The following OPN3 variants were observed in gnomAD, a reference collection of about 807,000 sequenced individuals.
OPN3 encodes opsin-3.
OPN3 carries 29 observed loss-of-function variants against 33.8 expected under a neutral mutation model. The ratio of observed to expected loss-of-function variants is 0.86; its 90% confidence interval spans 0.64 to 1.17. The LOEUF (loss-of-function observed/expected upper bound fraction) is 1.17, where lower values mean the gene tolerates loss of function less well. OPN3 is among the 50% of genes most tolerant of loss of function. The pLI is 0.00. For synonymous variants in OPN3, 216 were observed against 216.1 expected (o/e 1.00, Z 0.00); for missense variants, 437 against 514.1 (o/e 0.85, Z 1.45).
chr1:241,626,976 A>G (rs1458023615), intron 1 of OPN3, among the ~76,000 whole-genome samples: 6 of 152,152 alleles, frequency 3.9e-5, no homozygotes, highest in Non-Finnish European at 7.4e-5. Flanking sequence ...CACTTTGTCA[A>G]CCCTGCACCT....
chr1:241,609,684 T>C (rs1223670909), intron 1 of OPN3, among the ~76,000 whole-genome samples: 1 of 152,226 alleles, frequency 6.6e-6, no homozygotes, highest in Non-Finnish European at 1.5e-5. Context: ...AAAATCCCAG[T>C]GGACTACTGG....
chr1:241,635,171 T>C (rs1664836824), intron 1 of OPN3: 1 of 1,613,034 alleles, frequency 6.2e-7, no homozygotes, highest in Non-Finnish European at 8.5e-7. Context: ...TTTGCTTTCA[T>C]CTTTATCTCC....
intron 1 of OPN3, chr1:241,613,945 A>G (rs1331178114): frequency 6.6e-6 from 1 of 152,240 alleles, no homozygotes; most frequent in East Asian, 1.9e-4. Flanking sequence ...AGGCAGGCAG[A>G]TCACCTGAGG....
At position 241,604,587 on chromosome 1, in the gene OPN3, A is replaced by G. The variant is rs753609361; in HGVS notation, c.374-8T>C. The G allele has an allele frequency of 6.2e-6, 10 of 1,604,762 alleles. No individual in the cohort carries two copies. In the Admixed American group the frequency reaches 1.3e-4, roughly 22 times the overall value. On this transcript the variant is annotated splice_polypyrimidine_tract_variant and splice_region_variant and intron_variant, in intron 1 of 3. Coordinates refer to ENST00000366554, the MANE Select transcript of OPN3 (RefSeq NM_014322.3). ...TGGCAATGGAAACAATCCCTGCAAG[A>G]AGAGAAAGTGGAAAAGTATAGCATG...
intron 1 of OPN3, among the ~76,000 whole-genome samples, chr1:241,608,649 A>C (rs1663902455): frequency 6.6e-6 from 1 of 152,228 alleles, no homozygotes; most frequent in South Asian, 2.1e-4. Flanking sequence ...GTCAGGGTGC[A>C]AGAGGTTAGT....
intron 1 of OPN3, among the ~76,000 whole-genome samples, chr1:241,606,743 C>T (rs1043719161): frequency 3.3e-5 from 5 of 151,724 alleles, no homozygotes; most frequent in African/African-American, 4.8e-5. Flanking sequence ...AATGAGTGGA[C>T]GCAGAGAGAC....
chr1:241,616,824 T>C (rs1214768602), intron 1 of OPN3, among the ~76,000 whole-genome samples: 1 of 152,206 alleles, frequency 6.6e-6, no homozygotes, highest in Non-Finnish European at 1.5e-5. Flanking sequence ...GTCAGAAGAA[T>C]GTAAAACAAG....
At chr1:241,627,551 A>T (rs2148017661) in intron 1 of OPN3, among the ~76,000 whole-genome samples, 1 of 152,348 alleles carries the variant, frequency 6.6e-6, no homozygotes, top group African/African-American at 2.4e-5. Flanking sequence ...AGTTGTCAAG[A>T]GAAAAGTATT....
intron 3 of OPN3, among the ~76,000 whole-genome samples, chr1:241,597,135 A>C (rs1663548590): frequency 1.3e-5 from 2 of 152,104 alleles, no homozygotes; most frequent in Non-Finnish European, 1.5e-5. Flanking sequence ...AGGCCCAGGA[A>C]GTTTCTTGAA....
intron 1 of OPN3, chr1:241,634,125 G>A (rs1664768378): frequency 6.2e-7 from 1 of 1,612,948 alleles, no homozygotes; most frequent in African/African-American, 1.3e-5. Context: ...GCCCACAAGA[G>A]TCTTGGCTTT....
chr1:241,630,420 T>A (rs1352508229), intron 1 of OPN3: 1 of 152,136 alleles, frequency 6.6e-6, no homozygotes, highest in Non-Finnish European at 1.5e-5. Flanking sequence ...ACACACTTTT[T>A]AAATTGCAGT....
intron 1 of OPN3, among the ~76,000 whole-genome samples, chr1:241,608,195 A>G (rs1347778285): frequency 6.6e-6 from 1 of 152,260 alleles, no homozygotes; most frequent in African/African-American, 2.4e-5. Flanking sequence ...ATAGGCAAGA[A>G]AACTCAGTAC....
At chr1:241,595,987 TC>T (rs1663496972) in intron 3 of OPN3, among the ~76,000 whole-genome samples, 1 of 152,240 alleles carries the variant, frequency 6.6e-6, no homozygotes, top group African/African-American at 2.4e-5. Flanking sequence ...CTTTTAGACT[TC>T]CTGTTTAAAG....
At chr1:241,614,318 C>T (rs753460683) in intron 1 of OPN3, among the ~76,000 whole-genome samples, 1 of 151,914 alleles carries the variant, frequency 6.6e-6, no homozygotes, top group African/African-American at 2.4e-5. Context: ...CAGAAGAGAA[C>T]GATTGAATGA....
At chr1:241,596,230 G>T (rs1354506327) in intron 3 of OPN3, among the ~76,000 whole-genome samples, 4 of 152,178 alleles carry the variant, frequency 2.6e-5, no homozygotes, top group Admixed American at 6.5e-5. Flanking sequence ...TGAGAGGGTG[G>T]TCCCTAAAAT....
intron 1 of OPN3, chr1:241,634,610 G>A (rs1168232466): frequency 6.2e-7 from 1 of 1,613,826 alleles, no homozygotes; most frequent in Admixed American, 1.7e-5. Context: ...GAAACCCTGG[G>A]GAATTTCTCC....
At position 241,639,926 on chromosome 1, in the gene OPN3, T is replaced by A. The variant is rs1449415517; in HGVS notation, c.329A>T (p.Asp110Val). Reference sequence around the variant, plus strand: ...CCCGTCCCACACGCAGCCCACGGTGTCCCACACCCAGCCGTTCCTCAGGCA... The same window carrying A: ...CCCGTCCCACACGCAGCCCACGGTGACCCACACCCAGCCGTTCCTCAGGCA... ...VSCLRNGWVW[D>V]TVGCVWDGFS... The change falls in exon 1 of 4, where the codon GAC becomes GTC. Residue 110 changes from aspartate (D) to valine (V), a missense_variant. Coordinates refer to ENST00000366554, the MANE Select transcript of OPN3 (RefSeq NM_014322.3). 2 of 1,605,790 alleles carry A rather than the reference T, an allele frequency of 1.2e-6. No homozygotes were observed. The highest frequency in any genetic ancestry group is 2.3e-5 in the East Asian group (1 of 43,900).
chr1:241,603,197 C>T (rs1292327851), intron 2 of OPN3, among the ~76,000 whole-genome samples: 3 of 152,042 alleles, frequency 2.0e-5, no homozygotes, highest in East Asian at 1.9e-4. Context: ...CCTCTCCTGT[C>T]GCCCTGTAAC....
intron 1 of OPN3, 43 bp downstream of exon 1, chr1:241,639,839 G>A: frequency 4.1e-6 from 6 of 1,446,102 alleles, no homozygotes; most frequent in Non-Finnish European, 5.5e-6. Context: ...GTGGGGAGTG[G>A]AAGTTTGCAG....
Sources: allele counts gnomAD v4.1 joint callset (sites outside exome capture counted in the v4.1 genomes callset), GRCh38; gene constraint gnomAD v4.1.1; transcripts MANE v1.5; gene names NCBI Gene and HGNC (gene_info 2026-07-23, HGNC 2026-07-21).